The following NRXN3 variants were observed in gnomAD, a reference collection of about 807,000 sequenced individuals.
NRXN3 encodes neurexin 3.
In NRXN3, 32 loss-of-function variants were observed where a neutral mutation model predicts 137.6. That is an observed-to-expected ratio of 0.23 (90% CI 0.18 to 0.31). The LOEUF (loss-of-function observed/expected upper bound fraction) is 0.31. NRXN3 is among the 10% of genes least tolerant of loss of function. NRXN3 has a pLI of 1.00. For missense variants in NRXN3, 1,574 were observed against 2,062.5 expected (o/e 0.76, Z 4.59); for synonymous variants, 798 against 784.5 (o/e 1.02, Z -0.29).
At chr14:78,846,278 T>C (rs1478353970) in intron 10 of NRXN3, among the ~76,000 whole-genome samples, 1 of 152,050 alleles carries the variant, frequency 6.6e-6, no homozygotes, top group East Asian at 1.9e-4. Flanking sequence ...CCCACAGTAA[T>C]TGAGAATGAC....
chr14:78,182,560 G>A (rs1341065362), intron 1 of NRXN3, among the ~76,000 whole-genome samples: 5 of 152,252 alleles, frequency 3.3e-5, no homozygotes, highest in Middle Eastern at 6.8e-3. Flanking sequence ...ACCTCTGCCT[G>A]CCGGGTTCAA....
rs10667477 is a variant in NRXN3 at position 79,358,607 on chromosome 14, G to GAAAGAA, written c.3263-108613_3263-108612insAAGAAA. ...AGAGAGAAAGAAAGAAAGAAAGAAAGAGAAAGAAAGAAAGAAAGAAAGAAA... is the reference window on the plus strand; with the variant it reads ...AGAGAGAAAGAAAGAAAGAAAGAAAGAAAGAAAGAAAGAAAGAAAGAAAGAAAGAAA... On this transcript the variant is annotated intron_variant, in intron 15 of 20. Coordinates refer to ENST00000335750, the MANE Select transcript of NRXN3 (RefSeq NM_001330195.2). 2.0e-3 allele frequency among the ~76,000 whole-genome samples: 156 copies of GAAAGAA among 79,966 alleles called. 1 individual carries two copies. The highest frequency in any genetic ancestry group is 2.1e-3 in the Non-Finnish European group (84 of 39,142). The allele number at this position is 79,966 out of a possible 152,430, so 52.5% of individuals were successfully genotyped here.
chr14:78,925,138 G>A (rs1422553777), intron 10 of NRXN3, among the ~76,000 whole-genome samples: 1 of 152,140 alleles, frequency 6.6e-6, no homozygotes, highest in African/African-American at 2.4e-5. Context: ...GGATCTGTTA[G>A]GTTGTCTTTT....
intron 15 of NRXN3, among the ~76,000 whole-genome samples, chr14:79,345,886 A>G (rs1192831759): frequency 6.6e-6 from 1 of 152,190 alleles, no homozygotes; most frequent in African/African-American, 2.4e-5. Context: ...TTCTTTATAA[A>G]TTATCCAACC....
At chr14:78,502,575 T>G (rs12588953) in intron 4 of NRXN3, among the ~76,000 whole-genome samples, 63,088 of 151,728 alleles carry the variant, frequency 0.42, 13,245 homozygotes, top group East Asian at 0.51. Flanking sequence ...GATGCACAAG[T>G]CTTGATAAAA....
rs1252116669 is a variant in NRXN3, at chr14:78,457,042, T to TC, written c.757+159187dup. On this transcript the variant is annotated intron_variant, in intron 4 of 20. Transcript: ENST00000335750. ...TCTCCCTTCCCTCCCCCATCCCCTC[T>TC]CCCCCGCCACCTCCTCTTTCTCCTC... Among the ~76,000 whole-genome samples the TC allele has an allele frequency of 3.4e-4, 27 of 79,876 alleles. 3 individuals are homozygous for TC. Among genetic ancestry groups the TC allele is most frequent in the Admixed American group, 7.4e-4 (5 of 6,748 alleles). The allele number at this position is 79,876 out of a possible 152,430, so 52.4% of individuals were successfully genotyped here.
chr14:79,117,482 T>C (rs1385658226), intron 15 of NRXN3, among the ~76,000 whole-genome samples: 1 of 152,194 alleles, frequency 6.6e-6, no homozygotes, highest in Non-Finnish European at 1.5e-5. Context: ...AGATACTTAA[T>C]AGAAATGATC....
intron 4 of NRXN3, among the ~76,000 whole-genome samples, chr14:78,519,424 C>T (rs184748222): frequency 6.6e-5 from 10 of 152,260 alleles, no homozygotes; most frequent in Admixed American, 6.5e-4. Flanking sequence ...TACTTACATT[C>T]TCTGCGTGTT....
chr14:79,004,927 C>T (rs2099549306), intron 15 of NRXN3, among the ~76,000 whole-genome samples: 2 of 152,154 alleles, frequency 1.3e-5, no homozygotes, highest in South Asian at 4.1e-4. Context: ...ACTCTGAGTT[C>T]TTCCCTTGTA....
chr14:78,234,171 G>A (rs1451345929), intron 1 of NRXN3, among the ~76,000 whole-genome samples: 2 of 152,202 alleles, frequency 1.3e-5, no homozygotes, highest in African/African-American at 2.4e-5. Context: ...CTCCAGCCAT[G>A]AGTCCATTAA....
intron 4 of NRXN3, among the ~76,000 whole-genome samples, chr14:78,313,019 G>A (rs1177132587): frequency 6.6e-6 from 1 of 152,138 alleles, no homozygotes; most frequent in Non-Finnish European, 1.5e-5. Flanking sequence ...TTTTTATAGT[G>A]AAATCAGCTA....
intron 15 of NRXN3, among the ~76,000 whole-genome samples, chr14:79,172,312 T>G (rs549842658): frequency 3.3e-5 from 5 of 152,276 alleles, no homozygotes; most frequent in African/African-American, 9.6e-5. Context: ...GAAAAAAAAT[T>G]CCTCTTGAGG....
At chr14:78,765,443 G>T (rs1025397950) in intron 8 of NRXN3, among the ~76,000 whole-genome samples, 1 of 152,070 alleles carries the variant, frequency 6.6e-6, no homozygotes, top group Admixed American at 6.5e-5. Flanking sequence ...ATGAGCCACC[G>T]AGCCCAGCTG....
intron 16 of NRXN3, among the ~76,000 whole-genome samples, chr14:79,651,461 A>G (rs2098475512): frequency 6.6e-6 from 1 of 152,194 alleles, no homozygotes; most frequent in South Asian, 2.1e-4. Context: ...CTGAACATTT[A>G]TTAAACTTTT....
At chr14:79,045,565 G>A (rs188445154) in intron 15 of NRXN3, among the ~76,000 whole-genome samples, 4 of 151,868 alleles carry the variant, frequency 2.6e-5, no homozygotes, top group South Asian at 2.1e-4. Context: ...TCTCTGTGGC[G>A]TCATCTCACA....
At chr14:78,948,474 G>A (rs1381265365) in intron 10 of NRXN3, among the ~76,000 whole-genome samples, 1 of 152,196 alleles carries the variant, frequency 6.6e-6, no homozygotes, top group Non-Finnish European at 1.5e-5. Flanking sequence ...CAAACTGTCT[G>A]AGCTCACAAT....
chr14:78,689,592 T>A (rs1053254193), intron 6 of NRXN3, among the ~76,000 whole-genome samples: 1 of 152,166 alleles, frequency 6.6e-6, no homozygotes, highest in South Asian at 2.1e-4. Flanking sequence ...CTAGAATAAT[T>A]TGGCAGAGGT....
chr14:79,494,028 A>C (rs183902985), intron 16 of NRXN3, among the ~76,000 whole-genome samples: 5 of 152,304 alleles, frequency 3.3e-5, no homozygotes, highest in Non-Finnish European at 7.4e-5. Flanking sequence ...GTGTTCCATC[A>C]ATGTTTCTTG....
chr14:78,841,802 C>T (rs1323189372), intron 10 of NRXN3, among the ~76,000 whole-genome samples: 3 of 152,188 alleles, frequency 2.0e-5, no homozygotes, highest in South Asian at 2.1e-4. Flanking sequence ...GCCTTGATTA[C>T]CTCTCACCAA....
Sources: allele counts gnomAD v4.1 joint callset (sites outside exome capture counted in the v4.1 genomes callset), GRCh38; gene constraint gnomAD v4.1.1; transcripts MANE v1.5; gene names NCBI Gene and HGNC (gene_info 2026-07-23, HGNC 2026-07-21).